OVOL2: variants seen among roughly 807,000 people sequenced by gnomAD.
The protein encoded by OVOL2 is ovo like zinc finger 2.
OVOL2 carries 13 observed loss-of-function variants against 18.1 expected under a neutral mutation model. That is an observed-to-expected ratio of 0.72 (90% confidence interval 0.47 to 1.14). OVOL2 has a LOEUF of 1.14. Ranked by LOEUF, OVOL2 falls within the 50% of genes most tolerant of loss-of-function variation. The probability of loss-of-function intolerance (pLI) is 0.00; values close to 1 mark genes in which losing one functional copy is unlikely to be tolerated. For missense variants in OVOL2, 335 were observed against 383.0 expected (o/e 0.87, Z 1.05); for synonymous variants, 166 against 162.7 (o/e 1.02, Z -0.16).
intron 3 of OVOL2, among the ~76,000 whole-genome samples, chr20:18,026,811 G>A (rs1312834047): frequency 6.6e-6 from 1 of 152,118 alleles, no homozygotes; most frequent in Non-Finnish European, 1.5e-5. Context: ...TGGCAGGGCA[G>A]AGACCTCAGA....
chr20:18,035,687 GCT>G (rs1353692021), intron 3 of OVOL2, among the ~76,000 whole-genome samples: 2 of 152,196 alleles, frequency 1.3e-5, no homozygotes, highest in Non-Finnish European at 2.9e-5. Context: ...GCCCCCGGCT[GCT>G]CTTTCTGGTC....
At chr20:18,030,768 T>C (rs1328937903) in intron 3 of OVOL2, among the ~76,000 whole-genome samples, 3 of 152,338 alleles carry the variant, frequency 2.0e-5, no homozygotes, top group South Asian at 4.1e-4. Flanking sequence ...GCTCCAGTTA[T>C]GGCACTTCTG....
In OVOL2 at chr20:18,056,599, G is replaced by C. The variant is rs1210302696; in HGVS notation, c.321+58C>G. On this transcript the variant is annotated intron_variant, in intron 2 of 3. Transcript: ENST00000278780. This position sits in a 1 kb window ranked among gnomAD's most constrained non-coding sequence, Gnocchi z 4.2. ...CGCGGCAGGGAGGGGCGCCGGCCTCGGGAGCCCGACGCCAGGGCGTGGTGC... is the reference window on the plus strand; with the variant it reads ...CGCGGCAGGGAGGGGCGCCGGCCTCCGGAGCCCGACGCCAGGGCGTGGTGC... 2 of 1,314,592 alleles carry C rather than the reference G, an allele frequency of 1.5e-6. No homozygotes were observed. Among genetic ancestry groups the C allele is most frequent in the Non-Finnish European group, 9.7e-7 (1 of 1,029,754 alleles). The allele number at this position is 1,314,592 out of a possible 1,614,324, so 81.4% of individuals were successfully genotyped here.
At chr20:18,046,214 A>C (rs1175800484) in intron 2 of OVOL2, among the ~76,000 whole-genome samples, 3 of 152,238 alleles carry the variant, frequency 2.0e-5, no homozygotes, top group Non-Finnish European at 4.4e-5. Context: ...CCTAAACATG[A>C]AATTTATCCC....
intron 2 of OVOL2, among the ~76,000 whole-genome samples, chr20:18,047,103 C>G (rs983220044): frequency 6.6e-6 from 1 of 152,220 alleles, no homozygotes. Flanking sequence ...CCAGTTTCCT[C>G]AATTCCTTCA....
At position 18,054,775 on chromosome 20, in the gene OVOL2, AAAAAAAAG is replaced by A. The variant is rs1333710900; in HGVS notation, c.321+1874_321+1881del. Among the ~76,000 whole-genome samples, 467 of 143,354 alleles carry A rather than the reference AAAAAAAAG, an allele frequency of 3.3e-3. 6 individuals carry two copies. The highest frequency in any genetic ancestry group is 0.012 in the African/African-American group (446 of 36,508). 94.0% of individuals were successfully genotyped at this position (143,354 alleles called of 152,430 possible). A position where few individuals can be genotyped will look rare whatever the true frequency, so the allele number is the denominator to read the frequency against. ...CAGCGAAACTCCATCTCAAAAAAAA[AAAAAAAAG>A]AAAGAAAAGAAAAGAAAAGAAAAGA... On this transcript the variant is annotated intron_variant, in intron 2 of 3. Coordinates refer to ENST00000278780, the MANE Select transcript of OVOL2 (RefSeq NM_021220.4).
intron 2 of OVOL2, among the ~76,000 whole-genome samples, chr20:18,055,402 T>C (rs1170872262): frequency 2.6e-5 from 4 of 152,138 alleles, no homozygotes; most frequent in African/African-American, 4.8e-5. Context: ...AGGCAAATTT[T>C]TCCCTCCCAC....
chr20:18,049,197 A>G (rs938367501), intron 2 of OVOL2, among the ~76,000 whole-genome samples: 1 of 152,166 alleles, frequency 6.6e-6, no homozygotes, highest in Admixed American at 6.5e-5. Context: ...CTTCTAGAAA[A>G]CAGGACTCAG....
At position 18,024,725 on chromosome 20, in the gene OVOL2, A is replaced by C; in HGVS notation, c.739T>G (p.Ser247Ala). 6.2e-7 allele frequency: 1 copy of C among 1,614,012 alleles called. No homozygotes were observed. Among genetic ancestry groups the C allele is most frequent in the Non-Finnish European group, 8.5e-7 (1 of 1,180,024 alleles). The part of the protein sequence containing the change: ...HPGSSFLKKT[S>A]KKLAALLQGK... ...TGCAGAAGGGCTGCCAGTTTTTTAG[A>C]TGTCTTTTTGAGAAACGAGCTGCCC... Residue 247 changes from serine (S) to alanine (A), a missense_variant, in exon 4 of 4, where the codon TCT becomes GCT. Coordinates refer to ENST00000278780, the MANE Select transcript of OVOL2 (RefSeq NM_021220.4).
intron 2 of OVOL2, among the ~76,000 whole-genome samples, chr20:18,053,357 A>G (rs2036786303): frequency 6.6e-6 from 1 of 152,172 alleles, no homozygotes. Context: ...TTTACAGATC[A>G]AGGAACTGAG....
Position 18,057,659 on chromosome 20 carries a change from G to A in OVOL2, c.-25C>T. On this transcript the variant is annotated 5_prime_UTR_variant, in exon 1 of 4. Transcript: ENST00000278780. This position sits in a 1 kb window ranked among gnomAD's most constrained non-coding sequence, Gnocchi z 6.3. ...TGGTGGGGTCCCCTCTCCCGACTGCGGCCCCCTCCTCCCGGCTGCTCCCCG... is the reference window on the plus strand; with the variant it reads ...TGGTGGGGTCCCCTCTCCCGACTGCAGCCCCCTCCTCCCGGCTGCTCCCCG... 3 of 1,547,808 alleles carry A rather than the reference G, an allele frequency of 1.9e-6. No individual in the cohort carries two copies. Among genetic ancestry groups the A allele is most frequent in the Non-Finnish European group, 1.7e-6 (2 of 1,145,912 alleles).
intron 2 of OVOL2, among the ~76,000 whole-genome samples, chr20:18,051,836 G>A (rs1043986738): frequency 2.0e-5 from 3 of 152,164 alleles, no homozygotes; most frequent in African/African-American, 4.8e-5. Flanking sequence ...GGGTTCAAGC[G>A]ATTCTCCTGC....
intron 3 of OVOL2, among the ~76,000 whole-genome samples, chr20:18,027,618 C>G (rs2036531789): frequency 1.3e-5 from 2 of 151,680 alleles, no homozygotes; most frequent in South Asian, 4.2e-4. Flanking sequence ...GTTTTTGAGA[C>G]TGAGACTCGC....
intron 2 of OVOL2, among the ~76,000 whole-genome samples, chr20:18,050,107 C>T (rs1036579074): frequency 2.0e-5 from 3 of 152,120 alleles, no homozygotes; most frequent in South Asian, 2.1e-4. Context: ...TTCCTGTAGT[C>T]GATCCTATGG....
intron 3 of OVOL2, among the ~76,000 whole-genome samples, chr20:18,031,238 G>T (rs1290372067): frequency 2.0e-5 from 3 of 152,172 alleles, no homozygotes; most frequent in Non-Finnish European, 4.4e-5. Flanking sequence ...AGCCCGAAAG[G>T]CCGTTTCCTC....
At position 18,046,029 on chromosome 20, in the gene OVOL2, C is replaced by T. The variant is rs150440018; in HGVS notation, c.322-4306G>A. On this transcript the variant is annotated intron_variant, in intron 2 of 3. Coordinates refer to ENST00000278780, the MANE Select transcript of OVOL2 (RefSeq NM_021220.4). ...ACACCCTCCAATCCATTAAGTGCTG[C>T]TTACCACCCTTATGACCAATCCAGC... is the stretch of plus-strand genomic sequence containing the variant. 3.3e-5 allele frequency among the ~76,000 whole-genome samples: 5 copies of T among 152,276 alleles called. No homozygotes were observed. The East Asian group carries it at 9.7e-4, about 29-fold the overall frequency.
chr20:18,037,367 C>G (rs550512606), intron 3 of OVOL2, among the ~76,000 whole-genome samples: 1 of 152,328 alleles, frequency 6.6e-6, no homozygotes, highest in South Asian at 2.1e-4. Context: ...AGGTGGAGAA[C>G]AACAGCACTG....
chr20:18,048,298 A>C (rs1445606640), intron 2 of OVOL2, among the ~76,000 whole-genome samples: 1 of 152,160 alleles, frequency 6.6e-6, no homozygotes, highest in Non-Finnish European at 1.5e-5. Context: ...AGAAGAAAAA[A>C]AAATTTGTTT....
Position 18,036,858 on chromosome 20 carries a change from C to G in OVOL2, c.511+4676G>C, listed in dbSNP as rs546370016. Among the ~76,000 whole-genome samples, 8 of 152,248 alleles carry G rather than the reference C, an allele frequency of 5.3e-5. No individual in the cohort carries two copies. In the South Asian group the frequency reaches 1.7e-3, roughly 32 times the overall value. On this transcript the variant is annotated intron_variant, in intron 3 of 3. Coordinates refer to ENST00000278780, the MANE Select transcript of OVOL2 (RefSeq NM_021220.4). ...CAGGCTTCTAGAAACTGCAACAGGC[C>G]GGGCGCGGTGGCTCACGCCTGTAAT...
Sources: allele counts gnomAD v4.1 joint callset (sites outside exome capture counted in the v4.1 genomes callset), GRCh38; gene constraint gnomAD v4.1.1; non-coding constraint Gnocchi (gnomAD v3.1); transcripts MANE v1.5; gene names NCBI Gene and HGNC (gene_info 2026-07-23, HGNC 2026-07-21).